The following MARCHF8 variants were observed in gnomAD, a reference collection of about 807,000 sequenced individuals.
The protein encoded by MARCHF8 is E3 ubiquitin-protein ligase MARCHF8.
A neutral mutation model predicts 51.6 loss-of-function variants in MARCHF8; 40 were observed. That is an observed-to-expected ratio of 0.77 (90% confidence interval 0.60 to 1.01). The LOEUF is 1.01. Among genes scored for constraint, MARCHF8 ranks in the 50% least tolerant of loss-of-function variants. The pLI, the probability that MARCHF8 is intolerant of heterozygous loss-of-function variation, is 0.00. For synonymous variants in MARCHF8, 263 were observed against 280.3 expected (o/e 0.94, Z 0.62); for missense variants, 685 against 708.6 (o/e 0.97, Z 0.38).
intron 2 of MARCHF8, among the ~76,000 whole-genome samples, chr10:45,493,900 C>T (rs1021867656): frequency 6.6e-6 from 1 of 152,186 alleles, no homozygotes; most frequent in Non-Finnish European, 1.5e-5. Flanking sequence ...ATCCTCCCAC[C>T]TCAACCTCCC....
At chr10:45,546,206 G>A (rs934270544) in intron 1 of MARCHF8, among the ~76,000 whole-genome samples, 7 of 151,466 alleles carry the variant, frequency 4.6e-5, no homozygotes, top group Non-Finnish European at 8.8e-5. Context: ...TGTTGCCCAG[G>A]CTGGAGTGCA....
At chr10:45,520,981 T>A (rs764791249) in intron 2 of MARCHF8, among the ~76,000 whole-genome samples, 51 of 152,226 alleles carry the variant, frequency 3.4e-4, no homozygotes, top group Non-Finnish European at 6.0e-4. Context: ...GTATATTGCT[T>A]TCTAGTTAAT....
chr10:45,519,851 A>C (rs531269784), intron 2 of MARCHF8, among the ~76,000 whole-genome samples: 1 of 152,306 alleles, frequency 6.6e-6, no homozygotes, highest in East Asian at 1.9e-4. Context: ...GGAATCAGTA[A>C]AACTTATTGA....
At chr10:45,492,127 C>A (rs1385125802) in intron 2 of MARCHF8, among the ~76,000 whole-genome samples, 3 of 152,100 alleles carry the variant, frequency 2.0e-5, no homozygotes, top group Non-Finnish European at 4.4e-5. Context: ...TAAAACCAAA[C>A]AAATAACAAG....
intron 1 of MARCHF8, among the ~76,000 whole-genome samples, chr10:45,589,176 C>A (rs970675212): frequency 2.6e-5 from 4 of 152,008 alleles, no homozygotes; most frequent in Admixed American, 1.3e-4. Context: ...CATTTATTAC[C>A]TCATAGTTAC....
intron 1 of MARCHF8, among the ~76,000 whole-genome samples, chr10:45,565,461 C>G (rs2044354882): frequency 1.3e-5 from 2 of 151,686 alleles, no homozygotes; most frequent in African/African-American, 2.4e-5. Context: ...ACATATATGA[C>G]AACAATAGCA....
At chr10:45,495,225 C>T (rs561591002) in intron 2 of MARCHF8, among the ~76,000 whole-genome samples, 12 of 151,688 alleles carry the variant, frequency 7.9e-5, no homozygotes, top group Admixed American at 3.9e-4. Context: ...AAACTGACAG[C>T]GTAAAAACTA....
chr10:45,528,528 T>C (rs1255916546), intron 2 of MARCHF8, among the ~76,000 whole-genome samples: 2 of 152,166 alleles, frequency 1.3e-5, no homozygotes, highest in Non-Finnish European at 2.9e-5. Flanking sequence ...GGCGCAGTCA[T>C]AGCTTAGCGC....
At chr10:45,545,230 T>C (rs1392488069) in intron 1 of MARCHF8, among the ~76,000 whole-genome samples, 1 of 152,216 alleles carries the variant, frequency 6.6e-6, no homozygotes, top group Non-Finnish European at 1.5e-5. Flanking sequence ...CATATCTCAT[T>C]TTGCTCACCT....
At chr10:45,550,840 T>C (rs979063909) in intron 1 of MARCHF8, among the ~76,000 whole-genome samples, 1 of 152,202 alleles carries the variant, frequency 6.6e-6, no homozygotes, top group African/African-American at 2.4e-5. Context: ...TTACAACCCA[T>C]AGCAGTTACC....
intron 1 of MARCHF8, among the ~76,000 whole-genome samples, chr10:45,552,592 C>T (rs2133342433): frequency 6.6e-6 from 1 of 152,284 alleles, no homozygotes; most frequent in South Asian, 2.1e-4. Flanking sequence ...TTAACCTAAG[C>T]AAACAAATGG....
intron 1 of MARCHF8, among the ~76,000 whole-genome samples, chr10:45,584,006 CAAAAAAAAAAAA>C (rs67624741): frequency 1.9e-4 from 10 of 53,048 alleles, no homozygotes; most frequent in Non-Finnish European, 2.9e-4. Flanking sequence ...ACTTCATTTC[CAAAAAAAAAAAA>C]AAAAAAAAAG....
At chr10:45,498,646 T>C (rs2043220702) in intron 2 of MARCHF8, among the ~76,000 whole-genome samples, 1 of 152,186 alleles carries the variant, frequency 6.6e-6, no homozygotes, top group Non-Finnish European at 1.5e-5. Flanking sequence ...CAGCTAATTT[T>C]TGTATTTTTA....
intron 3 of MARCHF8, among the ~76,000 whole-genome samples, chr10:45,478,479 G>T (rs1313357179): frequency 6.6e-6 from 1 of 151,006 alleles, no homozygotes; most frequent in Admixed American, 6.6e-5. Context: ...GCACCTCAAG[G>T]ATCTAGAAAT....
At chr10:45,458,915 C>T (rs982833016) in intron 7 of MARCHF8, among the ~76,000 whole-genome samples, 5 of 152,222 alleles carry the variant, frequency 3.3e-5, no homozygotes, top group African/African-American at 1.2e-4. Context: ...GATTCTCATG[C>T]TCCAGAATAT....
intron 2 of MARCHF8, among the ~76,000 whole-genome samples, chr10:45,527,372 CT>C (rs1387071554): frequency 6.6e-6 from 1 of 151,976 alleles, no homozygotes; most frequent in Non-Finnish European, 1.5e-5. Flanking sequence ...AGCCTACTAG[CT>C]ACATTAACCA....
intron 7 of MARCHF8, 58 bp downstream of exon 7, chr10:45,459,062 G>A: frequency 6.2e-7 from 1 of 1,603,242 alleles, no homozygotes; most frequent in South Asian, 1.1e-5. Context: ...TCTGACCCCA[G>A]GACTCCTGTG....
At chr10:45,552,334 CTA>C (rs940280690) in intron 1 of MARCHF8, among the ~76,000 whole-genome samples, 1 of 150,176 alleles carries the variant, frequency 6.7e-6, no homozygotes, top group Non-Finnish European at 1.5e-5. Context: ...ACACTATAAA[CTA>C]TTATTTGCTT....
In MARCHF8 at chr10:45,455,847, G is replaced by A. The variant is rs763996406; in HGVS notation, c.*2392C>T. On this transcript the variant is annotated 3_prime_UTR_variant, in exon 8 of 8. Coordinates refer to ENST00000453424, the MANE Select transcript of MARCHF8 (RefSeq NM_001282866.2). ...GGCCAGAAACGATGAGATGGTGTTA[G>A]GCAGAAAAGAAGGGAGAGGGCTTCC... The A allele has an allele frequency of 3.9e-5, 6 of 152,408 alleles. No homozygotes were observed. Among genetic ancestry groups the A allele is most frequent in the Non-Finnish European group, 8.8e-5 (6 of 68,200 alleles). The allele number at this position is 152,408 out of a possible 1,614,324, so 9.4% of individuals were successfully genotyped here.
Sources: gnomAD v4.1 joint callset for allele counts (sites outside exome capture counted in the v4.1 genomes callset) on GRCh38, gnomAD v4.1.1 for gene constraint, MANE v1.5 for transcripts, NCBI Gene and HGNC (gene_info 2026-07-23, HGNC 2026-07-21) for gene names.